Variants in PRPF31 observed in about 807,000 individuals in gnomAD.
PRPF31 encodes U4/U6 small nuclear ribonucleoprotein Prp31.
A neutral mutation model predicts 60.4 loss-of-function variants in PRPF31; 12 were observed. The observed-to-expected ratio is 0.20, with a 90% CI of 0.13 to 0.32. The LOEUF (loss-of-function observed/expected upper bound fraction) is 0.32, where lower values mean the gene tolerates loss of function less well. Among genes scored for constraint, PRPF31 ranks in the 10% least tolerant of loss-of-function variants. The probability of loss-of-function intolerance (pLI) is 1.00; values close to 1 mark genes in which losing one functional copy is unlikely to be tolerated. For synonymous variants in PRPF31, 287 were observed against 287.9 expected (o/e 1.00, Z 0.03); for missense variants, 431 against 687.1 (o/e 0.63, Z 4.17).
At chr19:54,122,142 G>T in intron 4 of PRPF31, 199 bp downstream of exon 4, 1 of 682,524 alleles carries the variant, frequency 1.5e-6, no homozygotes, top group Non-Finnish European at 2.6e-6. Flanking sequence ...GGGATGGTGT[G>T]GCCGCTTGGC....
chr19:54,130,750 C>CT (rs2074031879), intron 13 of PRPF31, among the ~76,000 whole-genome samples: 1 of 152,160 alleles, frequency 6.6e-6, no homozygotes, highest in South Asian at 2.1e-4. Context: ...AGGCCAGTGG[C>CT]TGTGCCTTTC....
intron 7 of PRPF31, chr19:54,124,179 T>TG (rs1372588731): frequency 1.6e-5 from 12 of 733,292 alleles, no homozygotes; most frequent in Non-Finnish European, 2.0e-5. Flanking sequence ...AGGGAGCTCC[T>TG]GGTTTGGTGA....
chr19:54,122,099 C>G, intron 4 of PRPF31, 156 bp downstream of exon 4: 1 of 799,842 alleles, frequency 1.3e-6, no homozygotes, highest in Non-Finnish European at 2.1e-6. Context: ...GAAGGAAGTG[C>G]GTTCTCTCGC....
intron 8 of PRPF31, 169 bp downstream of exon 8, chr19:54,124,825 C>T (rs1227622399): frequency 2.6e-6 from 2 of 759,014 alleles, no homozygotes; most frequent in African/African-American, 3.4e-5. Context: ...AGACCAGCTC[C>T]AGCACCCACC....
At chr19:54,127,942 G>A (rs2073957858) in intron 9 of PRPF31, 131 bp from the exon 10 acceptor site, 1 of 1,267,966 alleles carries the variant, frequency 7.9e-7, no homozygotes, top group African/African-American at 1.5e-5. Context: ...AAAAAGAAAG[G>A]GGGTGGCGGT....
At chr19:54,124,006 C>T (rs2073859646) in intron 7 of PRPF31, 88 bp downstream of exon 7, 9 of 1,584,908 alleles carry the variant, frequency 5.7e-6, no homozygotes, top group Non-Finnish European at 7.7e-6. Context: ...AGAATGGGGG[C>T]TTTGGCACCT....
At chr19:54,129,014 G>A in intron 11 of PRPF31, 43 bp from the exon 12 acceptor site, 1 of 1,549,332 alleles carries the variant, frequency 6.5e-7, no homozygotes, top group African/African-American at 1.4e-5. Context: ...CTGGAGGGCA[G>A]GGCCTGGTCG....
At chr19:54,121,806 C>G in intron 3 of PRPF31, 54 bp from the exon 4 acceptor site, 2 of 1,533,350 alleles carry the variant, frequency 1.3e-6, no homozygotes, top group Admixed American at 3.8e-5. Context: ...GCTGCGGGAC[C>G]CGAGAGGGGG....
chr19:54,121,843 C>T lies in PRPF31; in HGVS notation c.239-17C>T, dbSNP rs754008299. 5 of 1,601,698 alleles carry T rather than the reference C, an allele frequency of 3.1e-6. No individual in the cohort carries two copies. The African/African-American group carries it at 5.4e-5, about 17-fold the overall frequency. On this transcript the variant is annotated splice_polypyrimidine_tract_variant and intron_variant, in intron 3 of 13. Transcript: ENST00000321030. Reference sequence around the variant, plus strand: ...AGGGATTTAGATACTCACACCCATGCCTCCGTGTCCTCACAGTGATGGGAC... The same window carrying T: ...AGGGATTTAGATACTCACACCCATGTCTCCGTGTCCTCACAGTGATGGGAC...
chr19:54,131,498 C>T lies in PRPF31; in HGVS notation c.*66C>T. On this transcript the variant is annotated 3_prime_UTR_variant, in exon 14 of 14. Coordinates refer to ENST00000321030, the MANE Select transcript of PRPF31 (RefSeq NM_015629.4). ...ACAGAGGTCCAGTCCTTCTGAAGGGCTAGGATCGGGTTCTGGCAGGGAGAA... is the reference window on the plus strand; with the variant it reads ...ACAGAGGTCCAGTCCTTCTGAAGGGTTAGGATCGGGTTCTGGCAGGGAGAA... 6.3e-7 allele frequency: 1 copy of T among 1,590,172 alleles called. No individual in the cohort carries two copies. The highest frequency in any genetic ancestry group is 1.1e-5 in the South Asian group (1 of 88,680).
chr19:54,124,687 G>A (rs1340592327), intron 8 of PRPF31, 31 bp downstream of exon 8: 7 of 1,605,162 alleles, frequency 4.4e-6, no homozygotes, highest in Middle Eastern at 1.7e-4. Flanking sequence ...CCCCTCCCCC[G>A]GCCCCCCTGG....
intron 8 of PRPF31, among the ~76,000 whole-genome samples, chr19:54,125,918 C>T (rs1418592397): frequency 6.6e-6 from 1 of 152,204 alleles, no homozygotes; most frequent in African/African-American, 2.4e-5. Context: ...CCCCAGGGAG[C>T]CTGATGTCTT....
At chr19:54,129,226 CA>C in intron 12 of PRPF31, 41 bp downstream of exon 12, 6 of 1,601,194 alleles carry the variant, frequency 3.7e-6, no homozygotes, top group Non-Finnish European at 5.1e-6. Flanking sequence ...CCGAGGGACA[CA>C]AGGTGGGGGG....
intron 9 of PRPF31, 71 bp from the exon 10 acceptor site, chr19:54,128,002 G>T: frequency 7.1e-6 from 11 of 1,546,308 alleles, no homozygotes; most frequent in Non-Finnish European, 9.6e-6. Flanking sequence ...TACTCGGGGG[G>T]CCCGCTCAGA....
intron 7 of PRPF31, chr19:54,124,132 G>A (rs1230666207): frequency 1.2e-5 from 13 of 1,067,332 alleles, no homozygotes; most frequent in South Asian, 3.3e-5. Context: ...CCCCTGTGCC[G>A]GAAACCCAGA....
At chr19:54,123,583 G>T (rs587696453) in intron 6 of PRPF31, 23 bp downstream of exon 6, 2 of 1,611,640 alleles carry the variant, frequency 1.2e-6, no homozygotes, top group Non-Finnish European at 1.7e-6. Context: ...CGAGGGAGGC[G>T]CCGGGCCCTA....
chr19:54,125,530 G>A (rs587606974), intron 8 of PRPF31, among the ~76,000 whole-genome samples: 24 of 151,860 alleles, frequency 1.6e-4, no homozygotes, highest in Non-Finnish European at 2.8e-4. Flanking sequence ...CAGGTTCTGG[G>A]ACAGACAGGC....
Position 54,122,085 on chromosome 19 carries a change from A to G in PRPF31, c.322+142A>G, listed in dbSNP as rs59977379. ...GACCTGCTGTCACAGAGTGGCTGAA[A>G]TAAGAAGGAAGTGCGTTCTCTCGCG... On this transcript the variant is annotated intron_variant, in intron 4 of 13. Transcript: ENST00000321030. The G allele has an allele frequency of 0.056, 50,204 of 901,110 alleles. 1,580 individuals carry two copies. The highest frequency in any genetic ancestry group is 0.062 in the Non-Finnish European group (35,337 of 568,398). The allele number at this position is 901,110 out of a possible 1,614,324, so 55.8% of individuals were successfully genotyped here. A position where few individuals can be genotyped will look rare whatever the true frequency, so the allele number is the denominator to read the frequency against.
rs1410470742 is a variant in PRPF31, at chr19:54,128,150, G to T, written c.1023G>T (p.Lys341Asn). The T allele has an allele frequency of 6.4e-7, 1 of 1,560,344 alleles. No homozygotes were observed. The highest frequency in any genetic ancestry group is 8.7e-7 in the Non-Finnish European group (1 of 1,153,040). Residue 341 changes from lysine (K) to asparagine (N), a missense_variant, in exon 10 of 14, where the codon AAG (lysine) becomes AAT (asparagine). Physicochemically the swap from Lys to Asn is moderately conservative, Grantham distance 94 (BLOSUM62 0). This residue lies in a region of PRPF31 where 314 missense variants were observed against 475.3 expected (regional missense o/e 0.66). Coordinates refer to ENST00000321030, the MANE Select transcript of PRPF31 (RefSeq NM_015629.4). ...WQEPPPVKQVKPLPAPLDGQR... is the reference protein window; with the variant it reads ...WQEPPPVKQVNPLPAPLDGQR... Reference sequence around the variant, plus strand: ...AGCCGCCGCCTGTGAAGCAGGTGAAGCCGCTGCCTGCGCCCCTGGATGGAC... The same window carrying T: ...AGCCGCCGCCTGTGAAGCAGGTGAATCCGCTGCCTGCGCCCCTGGATGGAC...
Sources: allele counts gnomAD v4.1 joint callset (sites outside exome capture counted in the v4.1 genomes callset), GRCh38; gene constraint gnomAD v4.1.1; regional missense constraint gnomAD v4.1.1; transcripts MANE v1.5; gene names NCBI Gene and HGNC (gene_info 2026-07-23, HGNC 2026-07-21).